FCRL6: variants seen among roughly 807,000 people sequenced by gnomAD.
FCRL6 encodes Fc receptor like 6.
FCRL6 carries 50 observed loss-of-function variants against 49.1 expected under a neutral mutation model. That is an observed-to-expected ratio of 1.02 (90% confidence interval 0.81 to 1.29). The LOEUF (loss-of-function observed/expected upper bound fraction) is 1.29, where lower values mean the gene tolerates loss of function less well. Ranked by LOEUF, FCRL6 falls within the 50% of genes most tolerant of loss-of-function variation. The pLI, the probability that FCRL6 is intolerant of heterozygous loss-of-function variation, is 0.00. For synonymous variants in FCRL6, 213 were observed against 199.6 expected, an observed-to-expected ratio of 1.07 and a Z score of -0.57; for missense variants, 571 against 518.5, an observed-to-expected ratio of 1.10 and a Z score of -0.98.
intron 8 of FCRL6, among the ~76,000 whole-genome samples, chr1:159,814,661 G>C (rs907335219): frequency 1.3e-5 from 2 of 152,200 alleles, no homozygotes; most frequent in African/African-American, 4.8e-5. Context: ...AAAGAAAAGA[G>C]AGAAAAAATG....
chr1:159,812,491 C>T (rs2101757269), intron 6 of FCRL6, among the ~76,000 whole-genome samples: 1 of 152,352 alleles, frequency 6.6e-6, no homozygotes, highest in Middle Eastern at 3.4e-3. Context: ...CACTCACCTG[C>T]ATGTACAGGT....
rs1355077230 is a variant in FCRL6 at position 159,814,411 on chromosome 1, A to ACCAAGAC, written c.1147+121_1147+127dup. ...CATTACTGTGACCACCATCACTATC[A>ACCAAGAC]CCAAGACCATCATATTTATCTCCAT... On this transcript the variant is annotated intron_variant, in intron 8 of 9. Coordinates refer to ENST00000368106, the MANE Select transcript of FCRL6 (RefSeq NM_001004310.3). 7 of 711,462 alleles carry ACCAAGAC rather than the reference A, an allele frequency of 9.8e-6. No individual in the cohort carries two copies. The African/African-American group carries it at 1.1e-4, about 11-fold the overall frequency. The allele number at this position is 711,462 out of a possible 1,614,324, so 44.1% of individuals were successfully genotyped here.
chr1:159,809,019 C>G lies in FCRL6; in HGVS notation c.378C>G (p.Ser126Arg). The G allele has an allele frequency of 1.9e-6, 3 of 1,614,002 alleles. No individual in the cohort carries two copies. The highest frequency in any genetic ancestry group is 2.7e-5 in the African/African-American group (2 of 75,022). Residue 126 changes from serine to arginine, a missense_variant, in exon 4 of 10, where the codon AGC (serine) becomes AGG (arginine). Ser to Arg is a moderately radical substitution (Grantham distance 110). Coordinates refer to ENST00000368106, the MANE Select transcript of FCRL6 (RefSeq NM_001004310.3). ...CCTCTCCTGAGCCCCGAGAGGGTAG[C>G]CTGGTGACCCTGAGATGTCAGACAA... ...AIPSPEPREG[S>R]LVTLRCQTKL...
At chr1:159,814,157 G>A (rs1232770853) in intron 7 of FCRL6, 64 bp from the exon 8 acceptor site, 2 of 1,448,886 alleles carry the variant, frequency 1.4e-6, no homozygotes, top group Non-Finnish European at 1.9e-6. Context: ...ATGTCTTCAG[G>A]ACACTTATGA....
chr1:159,810,238 T>C (rs1349594275), intron 6 of FCRL6, 22 bp downstream of exon 6: 4 of 1,604,548 alleles, frequency 2.5e-6, no homozygotes, highest in Non-Finnish European at 3.4e-6. Context: ...CTCTTGGCTT[T>C]CTTAGCTGCT....
chr1:159,803,677 C>A lies in FCRL6; in HGVS notation c.31+1222C>A, dbSNP rs375358317. On this transcript the variant is annotated intron_variant, in intron 1 of 9. Transcript: ENST00000368106. ...GCCCTTGGACTTGTCTAGATACAGT[C>A]TGAGAGTGTTCCAGCTTGGAACCCA... Among the ~76,000 whole-genome samples, 77 of 152,296 alleles carry A rather than the reference C, an allele frequency of 5.1e-4. 2 individuals carry two copies. The South Asian group carries it at 0.015, about 30-fold the overall frequency.
At chr1:159,806,749 G>A (rs1662716502) in intron 2 of FCRL6, 133 bp downstream of exon 2, 1 of 920,934 alleles carries the variant, frequency 1.1e-6, no homozygotes, top group Non-Finnish European at 1.8e-6. Flanking sequence ...CCCTTCCTCA[G>A]GAGTCTTGGC....
intron 1 of FCRL6, 52 bp from the exon 2 acceptor site, chr1:159,806,544 A>C: frequency 6.4e-7 from 1 of 1,561,928 alleles, no homozygotes; most frequent in Non-Finnish European, 8.8e-7. Context: ...CCTCCTTGTC[A>C]GAAAGCTCTT....
chr1:159,806,343 CGGGTGGTT>C lies in FCRL6; in HGVS notation c.32-234_32-227del, dbSNP rs747822306. ...CACAAACGTTGAGTAGTCAAGTGGC[CGGGTGGTT>C]GGGTGGTTGGGTGGTTGGATGGTTG... On this transcript the variant is annotated intron_variant, in intron 1 of 9. Transcript: ENST00000368106. 4.6e-5 allele frequency among the ~76,000 whole-genome samples: 7 copies of C among 151,968 alleles called. No homozygotes were observed. In the East Asian group the frequency reaches 9.7e-4, roughly 21 times the overall value.
At chr1:159,802,217 T>C, upstream of FCRL6, 1 of 535,994 alleles carries the variant, frequency 1.9e-6, no homozygotes, top group South Asian at 2.3e-5. Context: ...GGAAAATTTA[T>C]TCATGTAATA....
upstream of FCRL6, chr1:159,802,346 G>C (rs1448519889): frequency 2.0e-5 from 32 of 1,581,390 alleles, no homozygotes; most frequent in Non-Finnish European, 2.7e-5. Flanking sequence ...CTTCGGTCCT[G>C]AGGCCTGGTT....
At chr1:159,811,978 A>G (rs766326506) in intron 6 of FCRL6, among the ~76,000 whole-genome samples, 5 of 152,210 alleles carry the variant, frequency 3.3e-5, no homozygotes, top group Non-Finnish European at 7.4e-5. Flanking sequence ...CCCCAGCCCC[A>G]GACGAGATGG....
Position 159,808,362 on chromosome 1 carries a change from C to T in FCRL6, c.237C>T (p.Gly79=). Residue 79 remains glycine, a synonymous_variant, in exon 3 of 10, where the codon GGC becomes GGT. Transcript: ENST00000368106. ...SMGAATVQSR[G]QYSCSGQVMY... is the part of the protein sequence containing the mutation. The stretch of plus-strand genomic sequence containing the variant: ...GAGCAGCAACAGTGCAGAGCCGTGG[C>T]CAGTACAGCTGCTCTGGGCAGGTGA... 6.2e-7 allele frequency: 1 copy of T among 1,614,136 alleles called. No homozygotes were observed. Among genetic ancestry groups the T allele is most frequent in the South Asian group, 1.1e-5 (1 of 91,084 alleles).
At chr1:159,809,903 G>A (rs73030821) in intron 5 of FCRL6, among the ~76,000 whole-genome samples, 191 bp from the exon 6 acceptor site, 3,747 of 152,174 alleles carry the variant, frequency 0.025, 159 homozygotes, top group African/African-American at 0.083. Context: ...GAGCAGTCAC[G>A]TGGTCACTCG....
chr1:159,813,376 C>A, intron 6 of FCRL6, 113 bp from the exon 7 acceptor site: 2 of 899,898 alleles, frequency 2.2e-6, no homozygotes, highest in Non-Finnish European at 3.7e-6. Context: ...CCTAACCAAA[C>A]CAGCCTCAAA....
intron 2 of FCRL6, 70 bp from the exon 3 acceptor site, chr1:159,808,108 G>T: frequency 6.5e-7 from 1 of 1,541,456 alleles, no homozygotes; most frequent in Non-Finnish European, 8.8e-7. Flanking sequence ...CCTTAGGCTG[G>T]GGGACAGAGG....
chr1:159,805,854 C>A (rs73030810), intron 1 of FCRL6, among the ~76,000 whole-genome samples: 6,719 of 152,284 alleles, frequency 0.044, 487 homozygotes, highest in African/African-American at 0.15. Flanking sequence ...CCACAAGAAT[C>A]AGGTCCTGCC....
rs1462889891 is a variant in FCRL6 at position 159,810,077 on chromosome 1, C to A, written c.887-17C>A. On this transcript the variant is annotated splice_polypyrimidine_tract_variant and intron_variant, in intron 5 of 9. Coordinates refer to ENST00000368106, the MANE Select transcript of FCRL6 (RefSeq NM_001004310.3). ...TATCTTCAGTGCTCATGGCCACCTT[C>A]TTCTCCCTGCTCCCAGGTTCTCAAG... 6.2e-7 allele frequency: 1 copy of A among 1,607,062 alleles called. No individual in the cohort carries two copies. Among genetic ancestry groups the A allele is most frequent in the Non-Finnish European group, 8.5e-7 (1 of 1,177,510 alleles).
intron 1 of FCRL6, among the ~76,000 whole-genome samples, chr1:159,805,865 C>T (rs943337389): frequency 6.6e-6 from 1 of 152,210 alleles, no homozygotes; most frequent in African/African-American, 2.4e-5. Flanking sequence ...AGGTCCTGCC[C>T]TTGCTATATG....
Sources: gnomAD v4.1 joint callset for allele counts (sites outside exome capture counted in the v4.1 genomes callset) on GRCh38, gnomAD v4.1.1 for gene constraint, MANE v1.5 for transcripts, NCBI Gene and HGNC (gene_info 2026-07-23, HGNC 2026-07-21) for gene names.